Variants in CEACAM1 observed in about 807,000 individuals in gnomAD.
The protein encoded by CEACAM1 is CEA cell adhesion molecule 1.
In CEACAM1, 31 loss-of-function variants were observed where a neutral mutation model predicts 49.1. That is an observed-to-expected ratio of 0.63 (90% confidence interval 0.47 to 0.85). The LOEUF (loss-of-function observed/expected upper bound fraction) is 0.85. Among genes scored for constraint, CEACAM1 ranks in the 40% least tolerant of loss-of-function variants. The pLI is 0.00. For synonymous variants in CEACAM1, 244 were observed against 247.8 expected (o/e 0.98, Z 0.14); for missense variants, 570 against 645.3 (o/e 0.88, Z 1.26).
In CEACAM1 at chr19:42,519,015, C is replaced by T. The variant is rs748788138; in HGVS notation, c.1179G>A (p.Thr393=). 39 of 1,544,294 alleles carry T rather than the reference C, an allele frequency of 2.5e-5. No homozygotes were observed. The highest frequency in any genetic ancestry group is 5.2e-5 in the Admixed American group (3 of 57,828). Residue 393 remains threonine, a synonymous_variant, in exon 5 of 9, where the codon ACG becomes ACA. Transcript: ENST00000161559. ...INPVKREDAG[T]YWCEVFNPIS... ...TTGGGTTGAAGACCTCACACCAATA[C>T]GTCCCAGCATCCTCCCTCTTGACAG...
rs2041371464 is a variant in CEACAM1 at position 42,507,926 on chromosome 19, G to A, written c.*1183C>T. On this transcript the variant is annotated 3_prime_UTR_variant, in exon 9 of 9. Transcript: ENST00000161559. ...AATGCACAGGTGCAAACATGGAATA[G>A]AATGGTAGTTGATGATTGGTCTGAG... 1 of 152,260 alleles carries A rather than the reference G, an allele frequency of 6.6e-6. No individual in the cohort carries two copies. Among genetic ancestry groups the A allele is most frequent in the East Asian group, 1.9e-4 (1 of 5,196 alleles). The allele number at this position is 152,260 out of a possible 1,614,324, so 9.4% of individuals were successfully genotyped here.
intron 5 of CEACAM1, among the ~76,000 whole-genome samples, chr19:42,517,923 A>G (rs1304423512): frequency 6.6e-6 from 1 of 152,224 alleles, no homozygotes; most frequent in East Asian, 1.9e-4. Context: ...AGGTGGAAGC[A>G]ACCTAACTGT....
chr19:42,516,886 AC>A (rs551338804), intron 5 of CEACAM1: 300 of 424,802 alleles, frequency 7.1e-4, no homozygotes, highest in South Asian at 4.4e-3. Context: ...AAGCAAAAAA[AC>A]AAAACAAAAC....
At chr19:42,524,688 A>G (rs1219008979) in intron 2 of CEACAM1, among the ~76,000 whole-genome samples, 3 of 152,134 alleles carry the variant, frequency 2.0e-5, no homozygotes, top group East Asian at 3.9e-4. Flanking sequence ...GAAACTGTGC[A>G]GTTCAGCTGG....
intron 8 of CEACAM1, 59 bp from the exon 9 acceptor site, chr19:42,509,287 C>T (rs2041397346): frequency 6.5e-7 from 1 of 1,541,962 alleles, no homozygotes; most frequent in African/African-American, 1.4e-5. Flanking sequence ...CCTCACCTTG[C>T]CTGGTGTGAT....
chr19:42,509,919 AC>A (rs1568648187), intron 8 of CEACAM1, among the ~76,000 whole-genome samples: 1 of 150,464 alleles, frequency 6.6e-6, no homozygotes, highest in Non-Finnish European at 1.5e-5. Flanking sequence ...GAGCCACTGC[AC>A]CTGGCTGGAA....
intron 7 of CEACAM1, 142 bp downstream of exon 7, chr19:42,511,434 G>T: frequency 1.4e-6 from 1 of 723,596 alleles, no homozygotes; most frequent in Non-Finnish European, 2.4e-6. Flanking sequence ...GAAGACCTAT[G>T]CCACCTTAGG....
chr19:42,517,466 T>C (rs1013305279), intron 5 of CEACAM1, among the ~76,000 whole-genome samples: 2 of 152,182 alleles, frequency 1.3e-5, no homozygotes, highest in Non-Finnish European at 2.9e-5. Flanking sequence ...AAAGAACTAC[T>C]GCAACTCAAC....
In CEACAM1 at chr19:42,521,289, T is replaced by A. The variant is rs768693621; in HGVS notation, c.936A>T (p.Thr312=). The change falls in exon 4 of 9, where the codon ACA becomes ACT. Residue 312 remains threonine, a synonymous_variant. Transcript: ENST00000161559. Reference sequence around the variant, plus strand: ...TACCAGTGACTATGATCGTCTTGACTGTGGTCCTGTTGCAGCCAGTGACTG... The same window carrying A: ...TACCAGTGACTATGATCGTCTTGACAGTGGTCCTGTTGCAGCCAGTGACTG... ...NNSVTGCNRT[T]VKTIIVTELS... The A allele has an allele frequency of 1.2e-6, 2 of 1,614,262 alleles. No homozygotes were observed.
chr19:42,527,419 C>CCT lies in CEACAM1; in HGVS notation c.65-20_65-19insAG. On this transcript the variant is annotated intron_variant, in intron 1 of 8. Transcript: ENST00000161559. The stretch of plus-strand genomic sequence containing the variant: ...AGTGAGGCTAGGAGAGAGGAGAGAG[C>CCT]ATCAGTCAATATTGGGACCTATGCA... The CCT allele has an allele frequency of 6.4e-7, 1 of 1,570,160 alleles. No homozygotes were observed. The highest frequency in any genetic ancestry group is 8.6e-7 in the Non-Finnish European group (1 of 1,159,514).
intron 2 of CEACAM1, chr19:42,525,725 G>T (rs1249331082): frequency 6.6e-6 from 1 of 152,166 alleles, no homozygotes; most frequent in Non-Finnish European, 1.5e-5. Flanking sequence ...TAGAGGAGAG[G>T]TTAAGACTGT....
chr19:42,527,859 A>G (rs1314031197), intron 1 of CEACAM1: 1 of 200,442 alleles, frequency 5.0e-6, no homozygotes, highest in Non-Finnish European at 1.0e-5. Context: ...GAGGGCAGGG[A>G]TTTGTGTGAT....
chr19:42,528,225 C>T, intron 1 of CEACAM1, 86 bp downstream of exon 1: 1 of 1,201,194 alleles, frequency 8.3e-7, no homozygotes, highest in South Asian at 1.3e-5. Flanking sequence ...CCTCTGTCCC[C>T]TCTTAGAGCT....
intron 5 of CEACAM1, chr19:42,518,646 C>A (rs547252111): frequency 4.1e-4 from 133 of 327,260 alleles, no homozygotes; most frequent in Middle Eastern, 1.0e-3. Context: ...TACAGGCGCC[C>A]GCCACCATGC....
chr19:42,509,091 T>C lies in CEACAM1; in HGVS notation c.*18A>G, dbSNP rs2041391776. On this transcript the variant is annotated 3_prime_UTR_variant, in exon 9 of 9. Transcript: ENST00000161559. ...GACTTGAAATACATCAGCACTGCAG[T>C]GAGCAGGACAGGTTTCATTACTGCT... is the stretch of plus-strand genomic sequence containing the variant. 6.2e-7 allele frequency: 1 copy of C among 1,613,824 alleles called. No homozygotes were observed. Among genetic ancestry groups the C allele is most frequent in the African/African-American group, 1.3e-5 (1 of 74,922 alleles).
In CEACAM1 at chr19:42,522,093, C is replaced by T; in HGVS notation, c.534G>A (p.Trp178Ter). 2 of 1,614,180 alleles carry T rather than the reference C, an allele frequency of 1.2e-6. No individual in the cohort carries two copies. Among genetic ancestry groups the T allele is most frequent in the Non-Finnish European group, 1.7e-6 (2 of 1,180,040 alleles). Reference protein sequence around the residue: ...EPETQDTTYLWWINNQSLPVS... With the variant: ...EPETQDTTYL ...CCGGGAGGCTCTGATTGTTTATCCA[C>T]CACAGGTAGGTTGTGTCCTGAGTCT... Residue 178 changes from tryptophan (W) to a stop codon, truncating the protein, a stop_gained, in exon 3 of 9, where the codon TGG becomes TGA. Transcript: ENST00000161559. LOFTEE classifies it high-confidence loss of function.
chr19:42,514,717 G>A (rs1231415296), intron 5 of CEACAM1, among the ~76,000 whole-genome samples: 1 of 152,136 alleles, frequency 6.6e-6, no homozygotes, highest in East Asian at 1.9e-4. Context: ...TGCTTTACAT[G>A]TATCTTATTT....
intron 1 of CEACAM1, chr19:42,527,602 T>A: frequency 1.5e-6 from 1 of 682,562 alleles, no homozygotes; most frequent in Non-Finnish European, 2.3e-6. Context: ...GCCTCTGACC[T>A]TGTCATTTCT....
chr19:42,523,168 C>T (rs914347382), intron 2 of CEACAM1, among the ~76,000 whole-genome samples: 3 of 152,194 alleles, frequency 2.0e-5, no homozygotes, highest in Non-Finnish European at 4.4e-5. Flanking sequence ...TCCTACTTTG[C>T]CCCACTAGGT....
Sources: gnomAD v4.1 joint callset for allele counts (sites outside exome capture counted in the v4.1 genomes callset) on GRCh38, gnomAD v4.1.1 for gene constraint, MANE v1.5 for transcripts, NCBI Gene and HGNC (gene_info 2026-07-23, HGNC 2026-07-21) for gene names.